Variants in PES1 observed in about 807,000 individuals in gnomAD.
The protein encoded by PES1 is pescadillo ribosomal biogenesis factor 1.
PES1 carries 31 observed loss-of-function variants against 77.1 expected under a neutral mutation model. The observed-to-expected ratio is 0.40, with a 90% CI of 0.30 to 0.54. The LOEUF is 0.54. Ranked by LOEUF, PES1 falls within the 20% of genes least tolerant of loss-of-function variation. The pLI, the probability that PES1 is intolerant of heterozygous loss-of-function variation, is 0.45. For synonymous variants in PES1, 282 were observed against 303.0 expected, an observed-to-expected ratio of 0.93 and a Z score of 0.72; for missense variants, 658 against 771.7, an observed-to-expected ratio of 0.85 and a Z score of 1.75.
chr22:30,606,405 T>C (rs2145526648), intron 1 of PES1, among the ~76,000 whole-genome samples: 1 of 151,950 alleles, frequency 6.6e-6, no homozygotes, highest in African/African-American at 2.4e-5. Flanking sequence ...TAATTTATGG[T>C]TTTTTGTATG....
At position 30,578,947 on chromosome 22, in the gene PES1, C is replaced by T; in HGVS notation, c.1573G>A (p.Ala525Thr). The change falls in exon 14 of 15, where the codon GCC becomes ACC. Residue 525 changes from alanine to threonine, a missense_variant. Transcript: ENST00000354694. ...TLKLEDKQRLAQEEESEAKRL... is the reference protein window; with the variant it reads ...TLKLEDKQRLTQEEESEAKRL... ...TTGGCCTCACTCTCCTCCTCCTGGG[C>T]CAGCCGCTGCTTATCCTCCAGCTTC... The T allele has an allele frequency of 6.2e-7, 1 of 1,613,342 alleles. No individual in the cohort carries two copies. Among genetic ancestry groups the T allele is most frequent in the Non-Finnish European group, 8.5e-7 (1 of 1,180,012 alleles).
rs61098443 is a variant in PES1, at chr22:30,602,911, TTGTG to T, written c.-661+2546_-661+2549del. ...CTATTTATCTTAACTTGAAAGCAAT[TTGTG>T]TGTGTGTGTGTGTGAGAAGGAGTCT... On this transcript the variant is annotated intron_variant, in intron 2 of 16. Transcript: ENST00000402281. 4.0e-4 allele frequency among the ~76,000 whole-genome samples: 61 copies of T among 150,902 alleles called. No homozygotes were observed. The East Asian group carries it at 9.9e-3, about 25-fold the overall frequency.
chr22:30,583,915 C>G (rs2146466848), intron 6 of PES1, among the ~76,000 whole-genome samples: 1 of 152,368 alleles, frequency 6.6e-6, no homozygotes, highest in Non-Finnish European at 1.5e-5. Flanking sequence ...GGCCACTTGG[C>G]CAAGGTCTGG....
chr22:30,589,297 A>G (rs1324796890), intron 1 of PES1, 27 bp from the exon 2 acceptor site: 2 of 1,565,740 alleles, frequency 1.3e-6, no homozygotes, highest in Admixed American at 1.7e-5. Context: ...ACAATTCTCC[A>G]TTAGCAATGA....
chr22:30,578,818 G>C lies in PES1; in HGVS notation c.1683+19C>G. The C allele has an allele frequency of 6.2e-7, 1 of 1,611,804 alleles. No individual in the cohort carries two copies. The highest frequency in any genetic ancestry group is 1.3e-5 in the African/African-American group (1 of 75,006). On this transcript the variant is annotated intron_variant, in intron 14 of 14. Transcript: ENST00000354694. Reference sequence around the variant, plus strand: ...TCTGGTGGCCACACCTGGATCTCAAGTGGGTGGCAAGAACTCACCTCTCGG... The same window carrying C: ...TCTGGTGGCCACACCTGGATCTCAACTGGGTGGCAAGAACTCACCTCTCGG...
chr22:30,582,838 C>A (rs1488986192), intron 6 of PES1, among the ~76,000 whole-genome samples: 1 of 152,218 alleles, frequency 6.6e-6, no homozygotes, highest in Non-Finnish European at 1.5e-5. Context: ...CACAGCCCAG[C>A]ACTGAGCAGG....
At position 30,602,438 on chromosome 22, in the gene PES1, CT is replaced by C. The variant is rs60067454; in HGVS notation, c.-661+3022del. Among the ~76,000 whole-genome samples the C allele has an allele frequency of 3.1e-3, 435 of 142,592 alleles. 8 individuals are homozygous for C. Among genetic ancestry groups the C allele is most frequent in the African/African-American group, 9.5e-3 (365 of 38,290 alleles). The allele number at this position is 142,592 out of a possible 152,430, so 93.5% of individuals were successfully genotyped here. A position where few individuals can be genotyped will look rare whatever the true frequency, so the allele number is the denominator to read the frequency against. On this transcript the variant is annotated intron_variant, in intron 2 of 16. Transcript: ENST00000402281. ...CTTTATAGCAGTGTGAAAACTAATA[CT>C]TTTTTTTTTTTGACACAAGAGTTCC...
upstream of PES1, chr22:30,592,535 G>T: frequency 5.7e-6 from 3 of 523,432 alleles, no homozygotes; most frequent in Non-Finnish European, 7.4e-6. Context: ...GGTGGCGCAC[G>T]CCTGTAATCC....
intron 2 of PES1, among the ~76,000 whole-genome samples, chr22:30,598,084 CGTTTTAGCCG>C (rs898065313): frequency 1.6e-4 from 25 of 152,052 alleles, no homozygotes; most frequent in Admixed American, 5.9e-4. Flanking sequence ...GGGGTTTCAC[CGTTTTAGCCG>C]GGATGGTCTC....
In PES1 at chr22:30,589,077, G is replaced by A. The variant is rs2087136966; in HGVS notation, c.104+114C>T. 6 of 714,564 alleles carry A rather than the reference G, an allele frequency of 8.4e-6. No individual in the cohort carries two copies. In the East Asian group the frequency reaches 1.6e-4, roughly 20 times the overall value. The allele number at this position is 714,564 out of a possible 1,614,324, so 44.3% of individuals were successfully genotyped here. A position where few individuals can be genotyped will look rare whatever the true frequency, so the allele number is the denominator to read the frequency against. ...ACTAAAGCAAGGGCGGTGAGAAAGA[G>A]AAGGAATACCAGAACCCCAGAATGG... On this transcript the variant is annotated intron_variant, in intron 2 of 14. Transcript: ENST00000354694.
intron 2 of PES1, among the ~76,000 whole-genome samples, chr22:30,597,113 A>G (rs1488664825): frequency 6.6e-6 from 1 of 152,140 alleles, no homozygotes; most frequent in Non-Finnish European, 1.5e-5. Flanking sequence ...GGCAGGGCTC[A>G]GGACCTGCAG....
At chr22:30,604,371 G>A (rs1221116342) in intron 2 of PES1, among the ~76,000 whole-genome samples, 1 of 152,210 alleles carries the variant, frequency 6.6e-6, no homozygotes, top group Non-Finnish European at 1.5e-5. Context: ...GCTGGCTCAT[G>A]CCTGTAATCC....
rs534592354 is a variant in PES1 at position 30,582,763 on chromosome 22, G to A, written c.631-1119C>T. On this transcript the variant is annotated intron_variant, in intron 6 of 14. Transcript: ENST00000354694. The stretch of plus-strand genomic sequence containing the variant: ...CCCTGCCTGTTCCCTCACTCACACC[G>A]CCATCCTTCCATGAGAATCTGTGAG... Among the ~76,000 whole-genome samples, 7 of 152,206 alleles carry A rather than the reference G, an allele frequency of 4.6e-5. No individual in the cohort carries two copies. The East Asian group carries it at 1.4e-3, about 30-fold the overall frequency.
upstream of PES1, among the ~76,000 whole-genome samples, chr22:30,593,911 A>G (rs2146485582): frequency 6.6e-6 from 1 of 152,350 alleles, no homozygotes; most frequent in African/African-American, 2.4e-5. Context: ...CTAAACTCAC[A>G]TTCCACTACC....
chr22:30,602,357 A>G (rs999008550), intron 2 of PES1, among the ~76,000 whole-genome samples: 1 of 152,060 alleles, frequency 6.6e-6, no homozygotes, highest in Non-Finnish European at 1.5e-5. Flanking sequence ...CTCCCCAGCC[A>G]TGCACAACTG....
intron 2 of PES1, among the ~76,000 whole-genome samples, chr22:30,597,840 G>A (rs971534531): frequency 2.0e-5 from 3 of 151,424 alleles, no homozygotes; most frequent in African/African-American, 7.3e-5. Context: ...CGACTCAGCT[G>A]TGGTAACTCG....
At position 30,578,953 on chromosome 22, in the gene PES1, G is replaced by A. The variant is rs955541707; in HGVS notation, c.1567C>T (p.Arg523Trp). The change falls in exon 14 of 15, where the codon CGG (arginine) becomes TGG (tryptophan). Residue 523 changes from arginine (R) to tryptophan (W), a missense_variant. Coordinates refer to ENST00000354694, the MANE Select transcript of PES1 (RefSeq NM_014303.4). ...TCACTCTCCTCCTCCTGGGCCAGCCGCTGCTTATCCTCCAGCTTCAAGGTG... is the reference window on the plus strand; with the variant it reads ...TCACTCTCCTCCTCCTGGGCCAGCCACTGCTTATCCTCCAGCTTCAAGGTG... The part of the protein sequence containing the change: ...AGTLKLEDKQ[R>W]LAQEEESEAK... The A allele has an allele frequency of 7.4e-6, 12 of 1,612,892 alleles. No homozygotes were observed. The highest frequency in any genetic ancestry group is 1.7e-4 in the Middle Eastern group (1 of 6,046).
In PES1 at chr22:30,591,037, C is replaced by T. The variant is rs1056862012; in HGVS notation, c.24+773G>A. On this transcript the variant is annotated intron_variant, in intron 1 of 14. Coordinates refer to ENST00000354694, the MANE Select transcript of PES1 (RefSeq NM_014303.4). ...TATATTCCTCATTCCCATTCCCTTC[C>T]CAGTCTTTTCATGTCACTGGGCCGA... Among the ~76,000 whole-genome samples the T allele has an allele frequency of 5.9e-5, 9 of 152,260 alleles. 1 individual carries two copies. Among genetic ancestry groups the T allele is most frequent in the Admixed American group, 3.9e-4 (6 of 15,288 alleles).
intron 3 of PES1, 79 bp downstream of exon 3, chr22:30,587,942 A>G (rs1383450584): frequency 6.9e-7 from 1 of 1,450,556 alleles, no homozygotes; most frequent in African/African-American, 1.4e-5. Context: ...AGGGTAGGCA[A>G]TCTGCCCAAG....
Sources: gnomAD v4.1 joint callset for allele counts (sites outside exome capture counted in the v4.1 genomes callset) on GRCh38, gnomAD v4.1.1 for gene constraint, MANE v1.5 for transcripts, NCBI Gene and HGNC (gene_info 2026-07-23, HGNC 2026-07-21) for gene names.